Variants in PHF21A observed in about 807,000 individuals in gnomAD.
PHF21A encodes PHD finger protein 21A.
A neutral mutation model predicts 82.5 loss-of-function variants in PHF21A; 11 were observed. The ratio of observed to expected loss-of-function variants is 0.13; its 90% CI spans 0.08 to 0.22. The LOEUF (loss-of-function observed/expected upper bound fraction) is 0.22. Ranked by LOEUF, PHF21A falls within the 10% of genes least tolerant of loss-of-function variation. The pLI, the probability that PHF21A is intolerant of heterozygous loss-of-function variation, is 1.00. For synonymous variants in PHF21A, 297 were observed against 302.8 expected (o/e 0.98, Z 0.20); for missense variants, 579 against 837.8 (o/e 0.69, Z 3.81).
chr11:46,090,820 T>TA (rs1157851059), intron 2 of PHF21A, among the ~76,000 whole-genome samples: 17 of 152,100 alleles, frequency 1.1e-4, no homozygotes, highest in Admixed American at 1.1e-3. Context: ...AGAAGGCCCT[T>TA]AACCCATTTA....
At chr11:46,116,325 T>C (rs2097289091) in intron 1 of PHF21A, among the ~76,000 whole-genome samples, 1 of 152,164 alleles carries the variant, frequency 6.6e-6, no homozygotes, top group South Asian at 2.1e-4. Context: ...TTTTTCACTG[T>C]GAAACAAGCT....
At position 46,119,250 on chromosome 11, in the gene PHF21A, T is replaced by C. The variant is rs539331350; in HGVS notation, c.-237+1685A>G. Among the ~76,000 whole-genome samples the C allele has an allele frequency of 3.9e-5, 6 of 152,228 alleles. No homozygotes were observed. In the South Asian group the frequency reaches 1.2e-3, roughly 32 times the overall value. ...TCCTGACACCGACTATTAGCAAAAA[T>C]GCACAACTCCTTCCCCAGCTATGGG... On this transcript the variant is annotated intron_variant, in intron 1 of 18. Transcript: ENST00000676320.
intron 1 of PHF21A, among the ~76,000 whole-genome samples, chr11:46,118,553 A>T (rs1193207648): frequency 6.6e-6 from 1 of 152,208 alleles, no homozygotes; most frequent in Non-Finnish European, 1.5e-5. Flanking sequence ...TAAGTACAGA[A>T]ATTTTTTTAT....
chr11:45,970,947 C>T, intron 8 of PHF21A, 169 bp downstream of exon 8: 2 of 750,614 alleles, frequency 2.7e-6, no homozygotes, highest in Non-Finnish European at 2.1e-6. Flanking sequence ...GTGATTTGAG[C>T]AGATAGCAGA....
chr11:46,046,570 A>G (rs1248297038), intron 6 of PHF21A, among the ~76,000 whole-genome samples: 3 of 152,228 alleles, frequency 2.0e-5, no homozygotes, highest in Non-Finnish European at 2.9e-5. Context: ...AAGCCATTCT[A>G]AGGCAATCTC....
intron 1 of PHF21A, among the ~76,000 whole-genome samples, chr11:46,120,135 T>A (rs1444276695): frequency 6.8e-6 from 1 of 146,902 alleles, no homozygotes; most frequent in Non-Finnish European, 1.5e-5. Context: ...ACACTCACAC[T>A]CACACACACA....
chr11:46,014,332 A>T (rs929693880), intron 6 of PHF21A, among the ~76,000 whole-genome samples: 1 of 152,240 alleles, frequency 6.6e-6, no homozygotes, highest in Non-Finnish European at 1.5e-5. Context: ...TGTTGCTGCA[A>T]AGGATATTAT....
intron 2 of PHF21A, among the ~76,000 whole-genome samples, 178 bp downstream of exon 2, chr11:46,092,005 C>T (rs372644822): frequency 6.6e-6 from 1 of 151,704 alleles, no homozygotes; most frequent in Admixed American, 6.6e-5. Context: ...AACACAAATG[C>T]GTTTGAAGTA....
intron 6 of PHF21A, among the ~76,000 whole-genome samples, chr11:45,988,536 A>G (rs1175513359): frequency 1.3e-5 from 2 of 152,202 alleles, no homozygotes; most frequent in African/African-American, 2.4e-5. Flanking sequence ...TGATGCTTAA[A>G]ATCATAATTT....
intron 1 of PHF21A, among the ~76,000 whole-genome samples, chr11:46,114,126 C>T (rs537385324): frequency 6.6e-5 from 10 of 152,156 alleles, no homozygotes; most frequent in African/African-American, 2.2e-4. Flanking sequence ...CACACACACA[C>T]GCTTCTACAA....
chr11:46,063,713 G>C (rs1238458503), intron 6 of PHF21A, among the ~76,000 whole-genome samples: 1 of 152,152 alleles, frequency 6.6e-6, no homozygotes, highest in African/African-American at 2.4e-5. Context: ...GGGAAGGGAA[G>C]CTATAAAAAG....
intron 6 of PHF21A, among the ~76,000 whole-genome samples, chr11:45,981,481 G>C (rs2094285642): frequency 6.9e-6 from 1 of 145,318 alleles, no homozygotes; most frequent in African/African-American, 2.6e-5. Flanking sequence ...TGGGACCAAA[G>C]ACCAACAAAT....
intron 1 of PHF21A, among the ~76,000 whole-genome samples, chr11:46,097,403 T>C (rs2097015886): frequency 6.6e-6 from 1 of 152,198 alleles, no homozygotes. Context: ...TTTTCCGTAC[T>C]TCAGACCCTC....
At chr11:45,991,585 C>T (rs981477297) in intron 6 of PHF21A, among the ~76,000 whole-genome samples, 49 of 152,224 alleles carry the variant, frequency 3.2e-4, no homozygotes, top group African/African-American at 1.2e-3. Context: ...CACGCGTGCA[C>T]TTTTTCTCCT....
intron 6 of PHF21A, among the ~76,000 whole-genome samples, chr11:46,035,914 G>A (rs1489054897): frequency 2.0e-5 from 3 of 152,134 alleles, no homozygotes; most frequent in Non-Finnish European, 4.4e-5. Context: ...GCAAAGAGAA[G>A]ACACAGAGAG....
intron 6 of PHF21A, among the ~76,000 whole-genome samples, chr11:45,985,140 G>C (rs922362269): frequency 6.6e-6 from 1 of 152,088 alleles, no homozygotes; most frequent in Non-Finnish European, 1.5e-5. Flanking sequence ...TTTATTTGTT[G>C]ATGAGATCAG....
intron 18 of PHF21A, chr11:45,935,195 T>C: frequency 7.7e-7 from 1 of 1,290,544 alleles, no homozygotes; most frequent in Non-Finnish European, 1.0e-6. Flanking sequence ...CAGCATGGTG[T>C]GGAAGAAAGA....
At chr11:46,062,252 G>A (rs2096544414) in intron 6 of PHF21A, among the ~76,000 whole-genome samples, 1 of 152,016 alleles carries the variant, frequency 6.6e-6, no homozygotes, top group Non-Finnish European at 1.5e-5. Context: ...CCCTTCGGTT[G>A]TGGGACATTT....
intron 6 of PHF21A, among the ~76,000 whole-genome samples, chr11:46,049,032 T>A (rs1257381953): frequency 1.3e-5 from 2 of 152,240 alleles, no homozygotes; most frequent in East Asian, 3.9e-4. Flanking sequence ...CTAAACTAGC[T>A]CTGCAGAATG....
Sources: gnomAD v4.1 joint callset for allele counts (sites outside exome capture counted in the v4.1 genomes callset) on GRCh38, gnomAD v4.1.1 for gene constraint, MANE v1.5 for transcripts, NCBI Gene and HGNC (gene_info 2026-07-23, HGNC 2026-07-21) for gene names.